Variants in OPRM1 observed in about 807,000 individuals in gnomAD.
The protein encoded by OPRM1 is opioid receptor mu 1.
In OPRM1, 27 loss-of-function variants were observed where a neutral mutation model predicts 31.8. That is an observed-to-expected ratio of 0.85 (90% CI 0.63 to 1.17). The LOEUF (loss-of-function observed/expected upper bound fraction) is 1.17, where lower values mean the gene tolerates loss of function less well. Among genes scored for constraint, OPRM1 ranks in the 50% most tolerant of loss-of-function variants. OPRM1 has a pLI of 0.00. For missense variants in OPRM1, 536 were observed against 511.1 expected, an observed-to-expected ratio of 1.05 and a Z score of -0.47; for synonymous variants, 196 against 189.9, an observed-to-expected ratio of 1.03 and a Z score of -0.26.
intron 1 of OPRM1, among the ~76,000 whole-genome samples, chr6:154,051,085 T>C (rs947080829): frequency 6.6e-6 from 1 of 152,236 alleles, no homozygotes; most frequent in Non-Finnish European, 1.5e-5. Flanking sequence ...ATTTCATTTA[T>C]CTGAAGTCTT....
At chr6:154,116,955 CTTGACACCG>C (rs1040940981) in intron 3 of OPRM1, among the ~76,000 whole-genome samples, 1 of 152,190 alleles carries the variant, frequency 6.6e-6, no homozygotes, top group Admixed American at 6.5e-5. Context: ...TAACTTACAA[CTTGACACCG>C]TTGTGCTTTC....
At chr6:154,084,150 A>G (rs1258001361) in intron 1 of OPRM1, among the ~76,000 whole-genome samples, 1 of 152,098 alleles carries the variant, frequency 6.6e-6, no homozygotes, top group Non-Finnish European at 1.5e-5. Context: ...GTCTGCTATC[A>G]CCACTCTTTT....
intron 1 of OPRM1, among the ~76,000 whole-genome samples, chr6:154,070,229 G>C (rs992972054): frequency 1.3e-5 from 2 of 152,186 alleles, no homozygotes; most frequent in African/African-American, 2.4e-5. Flanking sequence ...CACCAGGCTC[G>C]TGTGGGAGAT....
Position 154,119,401 on chromosome 6 carries a change from A to T in OPRM1, c.*680A>T. On this transcript the variant is annotated 3_prime_UTR_variant, in exon 4 of 4. Transcript: ENST00000330432. ...AGGTTGATTCTCATGCACTGCAAAT[A>T]CTTCCAAAGAGTCATCATGGGGGAT... 1 of 985,390 alleles carries T rather than the reference A, an allele frequency of 1.0e-6. No individual in the cohort carries two copies. The highest frequency in any genetic ancestry group is 1.2e-6 in the Non-Finnish European group (1 of 829,896). 61.0% of individuals were successfully genotyped at this position (985,390 alleles called of 1,614,324 possible).
Position 154,246,823 on chromosome 6 carries a change from C to T in OPRM1, c.*38C>T, listed in dbSNP as rs1292131899. The T allele has an allele frequency of 6.6e-7, 1 of 1,524,144 alleles. No homozygotes were observed. 94.4% of individuals were successfully genotyped at this position (1,524,144 alleles called of 1,614,324 possible). A position where few individuals can be genotyped will look rare whatever the true frequency, so the allele number is the denominator to read the frequency against. ...CCTGATTTGGTAGGTAAAGTATTAT[C>T]CTGATTTATGTGACAGAGTGAAAGG... On this transcript the variant is annotated 3_prime_UTR_variant, in exon 4 of 4. Coordinates refer to the OPRM1 transcript ENST00000337049.
At chr6:154,213,926 G>T (rs990697709) in intron 3 of OPRM1, among the ~76,000 whole-genome samples, 2 of 152,204 alleles carry the variant, frequency 1.3e-5, no homozygotes, top group African/African-American at 4.8e-5. Context: ...AATTCCACAA[G>T]TGGAGCAATT....
intron 3 of OPRM1, among the ~76,000 whole-genome samples, chr6:154,236,173 AC>A (rs1482499765): frequency 6.6e-6 from 1 of 152,234 alleles, no homozygotes; most frequent in Non-Finnish European, 1.5e-5. Flanking sequence ...GAGTCAATAA[AC>A]AAAATGTGGT....
At chr6:154,193,090 C>T (rs1583760115) in intron 3 of OPRM1, among the ~76,000 whole-genome samples, 1 of 152,152 alleles carries the variant, frequency 6.6e-6, no homozygotes, top group Non-Finnish European at 1.5e-5. Flanking sequence ...CAGCACAATT[C>T]GCAATTGCTA....
intron 3 of OPRM1, among the ~76,000 whole-genome samples, chr6:154,165,619 A>G (rs773057334): frequency 5.3e-5 from 8 of 152,246 alleles, no homozygotes; most frequent in Non-Finnish European, 1.0e-4. Context: ...GCAGTTCCCT[A>G]GCTGGGTGGG....
intron 1 of OPRM1, among the ~76,000 whole-genome samples, chr6:154,071,735 A>G (rs533443593): frequency 3.9e-5 from 6 of 152,312 alleles, no homozygotes; most frequent in African/African-American, 1.4e-4. Context: ...ATCTAGGAGG[A>G]AGAATTAAGC....
At chr6:154,135,601 CTCTG>C (rs1165666935), downstream of OPRM1, among the ~76,000 whole-genome samples, 3 of 152,186 alleles carry the variant, frequency 2.0e-5, no homozygotes, top group Non-Finnish European at 2.9e-5. Flanking sequence ...TGTTTTTTAA[CTCTG>C]TCTTCTTCCT....
At chr6:154,219,985 A>AGTGTGTGTGTGTGTGTGTGT (rs57450665) in intron 3 of OPRM1, among the ~76,000 whole-genome samples, 21 of 140,138 alleles carry the variant, frequency 1.5e-4, no homozygotes, top group East Asian at 4.3e-4. Flanking sequence ...ACCTGTAAGG[A>AGTGTGTGTGTGTGTGTGTGT]GTGTGTGTGT....
intron 3 of OPRM1, chr6:154,107,647 G>A: frequency 1.4e-6 from 1 of 718,458 alleles, no homozygotes; most frequent in Non-Finnish European, 2.6e-6. Context: ...TAAAATTCCT[G>A]TTCCCTTGAA....
intron 3 of OPRM1, among the ~76,000 whole-genome samples, chr6:154,221,715 T>C (rs181901079): frequency 2.7e-4 from 41 of 151,970 alleles, no homozygotes; most frequent in Admixed American, 2.2e-3. Flanking sequence ...CTACTAAATA[T>C]ACAAAAAAAT....
chr6:154,095,593 A>T, intron 3 of OPRM1, among the ~76,000 whole-genome samples: 1 of 152,102 alleles, frequency 6.6e-6, no homozygotes, highest in East Asian at 1.9e-4. Context: ...TTGTTTTCTA[A>T]TTTTATTTCT....
At chr6:154,104,146 C>T (rs895964637) in intron 3 of OPRM1, among the ~76,000 whole-genome samples, 7 of 152,114 alleles carry the variant, frequency 4.6e-5, no homozygotes, top group East Asian at 1.9e-4. Flanking sequence ...TCCTGCCTAG[C>T]TATTAGGGGC....
At chr6:154,037,043 G>C (rs1233737343), upstream of OPRM1, among the ~76,000 whole-genome samples, 2 of 151,660 alleles carry the variant, frequency 1.3e-5, no homozygotes, top group African/African-American at 2.4e-5. Flanking sequence ...AAAAGATCTT[G>C]GTGGATAAGA....
chr6:154,242,768 TC>T (rs1780695490), intron 3 of OPRM1, among the ~76,000 whole-genome samples: 1 of 151,940 alleles, frequency 6.6e-6, no homozygotes, highest in Non-Finnish European at 1.5e-5. Context: ...ACACCTGTAA[TC>T]CCAGCTACTC....
intron 3 of OPRM1, chr6:154,212,817 C>A: frequency 1.2e-6 from 2 of 1,613,784 alleles, no homozygotes; most frequent in Non-Finnish European, 1.7e-6. Context: ...GTCTCCGCAG[C>A]TATTTCTGGA....
Sources: gnomAD v4.1 joint callset for allele counts (sites outside exome capture counted in the v4.1 genomes callset) on GRCh38, gnomAD v4.1.1 for gene constraint, MANE v1.5 for transcripts, NCBI Gene and HGNC (gene_info 2026-07-23, HGNC 2026-07-21) for gene names.